Variants in GRIK1 observed in about 807,000 individuals in gnomAD.
The protein encoded by GRIK1 is glutamate receptor ionotropic, kainate 1.
In GRIK1, 69 loss-of-function variants were observed where a neutral mutation model predicts 105.7. That is an observed-to-expected ratio of 0.65 (90% confidence interval 0.54 to 0.80). The LOEUF (loss-of-function observed/expected upper bound fraction) is 0.80. GRIK1 is among the 30% of genes least tolerant of loss of function. The pLI, the probability that GRIK1 is intolerant of heterozygous loss-of-function variation, is 0.00. For missense variants in GRIK1, 1,109 were observed against 1,167.3 expected, an observed-to-expected ratio of 0.95 and a Z score of 0.73; for synonymous variants, 438 against 431.3, an observed-to-expected ratio of 1.02 and a Z score of -0.19.
intron 7 of GRIK1, among the ~76,000 whole-genome samples, chr21:29,619,090 C>T: frequency 7.0e-6 from 1 of 142,208 alleles, no homozygotes; most frequent in Non-Finnish European, 1.5e-5. Context: ...TGTGCCACTG[C>T]ACTCCAGCCT....
At chr21:29,640,460 G>A (rs776429305) in intron 7 of GRIK1, among the ~76,000 whole-genome samples, 2 of 152,178 alleles carry the variant, frequency 1.3e-5, no homozygotes, top group Non-Finnish European at 2.9e-5. Flanking sequence ...GCACAATGTT[G>A]ACAATGGTTT....
At chr21:29,734,362 T>C (rs567275564) in intron 1 of GRIK1, among the ~76,000 whole-genome samples, 12 of 18,564 alleles carry the variant, frequency 6.5e-4, no homozygotes, top group Non-Finnish European at 1.6e-3. Flanking sequence ...TTTTCTTTTC[T>C]TTTCTTTTCT....
At chr21:29,926,602 ATTG>A (rs1026077104) in intron 1 of GRIK1, among the ~76,000 whole-genome samples, 1 of 151,932 alleles carries the variant, frequency 6.6e-6, no homozygotes, top group African/African-American at 2.4e-5. Context: ...GTTGAACACT[ATTG>A]TTGTTAATTT....
chr21:29,639,216 G>A (rs958301838), intron 7 of GRIK1, among the ~76,000 whole-genome samples: 5 of 152,156 alleles, frequency 3.3e-5, no homozygotes, highest in Admixed American at 6.5e-5. Flanking sequence ...CGGTTCCTTT[G>A]CTAATTCATT....
intron 1 of GRIK1, among the ~76,000 whole-genome samples, chr21:29,783,740 C>T (rs533006864): frequency 6.6e-6 from 1 of 152,206 alleles, no homozygotes; most frequent in East Asian, 1.9e-4. Context: ...TTAAAAAATT[C>T]TCTATTCATT....
chr21:29,654,030 A>AC (rs775759760), intron 5 of GRIK1, among the ~76,000 whole-genome samples: 9 of 151,304 alleles, frequency 5.9e-5, no homozygotes, highest in South Asian at 2.1e-4. Context: ...ACTGTTACTG[A>AC]CCCCCCCAGA....
In GRIK1 at chr21:29,591,630, C is replaced by T. The variant is rs1380624559; in HGVS notation, c.1252-405G>A. The stretch of plus-strand genomic sequence containing the variant: ...GAATAAAATATACAAGAGTTTCTTC[C>T]CTTGTGGAGCTTACATTCTACTGAT... On this transcript the variant is annotated intron_variant, in intron 9 of 17. Coordinates refer to ENST00000327783, the MANE Select transcript of GRIK1 (RefSeq NM_001330994.2). Among the ~76,000 whole-genome samples, 4 of 152,144 alleles carry T rather than the reference C, an allele frequency of 2.6e-5. No homozygotes were observed. In the East Asian group the frequency reaches 5.8e-4, roughly 22 times the overall value.
At chr21:29,874,607 T>C (rs2069128701) in intron 1 of GRIK1, among the ~76,000 whole-genome samples, 1 of 152,190 alleles carries the variant, frequency 6.6e-6, no homozygotes, top group African/African-American at 2.4e-5. Flanking sequence ...TACTGGTTTA[T>C]GGCCCAGGGG....
At chr21:29,822,430 T>C (rs2067330586) in intron 1 of GRIK1, among the ~76,000 whole-genome samples, 1 of 152,062 alleles carries the variant, frequency 6.6e-6, no homozygotes, top group Non-Finnish European at 1.5e-5. Flanking sequence ...CAATTCTACT[T>C]TGTTCCAATG....
chr21:29,802,401 T>C (rs2145859579), intron 1 of GRIK1, among the ~76,000 whole-genome samples: 1 of 152,256 alleles, frequency 6.6e-6, no homozygotes, highest in South Asian at 2.1e-4. Context: ...TTTCAGTCTC[T>C]CTCTCTTTCT....
rs1350296211 is a variant in GRIK1, at chr21:29,695,466, ATC to A, written c.119-1405_119-1404del. 8.7e-3 allele frequency among the ~76,000 whole-genome samples: 1,277 copies of A among 146,318 alleles called. 16 individuals are homozygous for A. Among genetic ancestry groups the A allele is most frequent in the Middle Eastern group, 0.014 (4 of 292 alleles). On this transcript the variant is annotated intron_variant, in intron 1 of 17. Transcript: ENST00000327783. ...TATCTATCTATCTATCTATCTATCT[ATC>A]TATCTATCTATATATATATATTTTG...
chr21:29,837,696 T>A (rs530798897), intron 1 of GRIK1, among the ~76,000 whole-genome samples: 3 of 152,356 alleles, frequency 2.0e-5, no homozygotes, highest in African/African-American at 7.2e-5. Flanking sequence ...AGAAAATACA[T>A]TTGTTTATAA....
chr21:29,641,563 T>C (rs1180018464), intron 7 of GRIK1, among the ~76,000 whole-genome samples: 1 of 152,160 alleles, frequency 6.6e-6, no homozygotes, highest in Non-Finnish European at 1.5e-5. Flanking sequence ...TCAGTGTTAG[T>C]GGAACTAAGA....
Position 29,718,067 on chromosome 21 carries a change from A to G in GRIK1, c.119-24004T>C, listed in dbSNP as rs562715258. Among the ~76,000 whole-genome samples, 5 of 152,284 alleles carry G rather than the reference A, an allele frequency of 3.3e-5. No individual in the cohort carries two copies. The East Asian group carries it at 9.7e-4, about 29-fold the overall frequency. ...TCTCCTTCCTGCCACCATGTGAAGA[A>G]GGATGTGTTTGCTGCCCCTTCCACC... On this transcript the variant is annotated intron_variant, in intron 1 of 17. Coordinates refer to ENST00000327783, the MANE Select transcript of GRIK1 (RefSeq NM_001330994.2).
intron 1 of GRIK1, among the ~76,000 whole-genome samples, chr21:29,878,286 G>A (rs2069267447): frequency 2.0e-5 from 3 of 152,102 alleles, no homozygotes; most frequent in African/African-American, 4.8e-5. Context: ...GTGAGGTTGA[G>A]GTGACTCAGA....
chr21:29,779,365 C>T (rs1302533332), intron 1 of GRIK1, among the ~76,000 whole-genome samples: 4 of 141,608 alleles, frequency 2.8e-5, no homozygotes, highest in Admixed American at 7.1e-5. Flanking sequence ...TGTGTGTGCA[C>T]GTGTGTGTGT....
intron 1 of GRIK1, among the ~76,000 whole-genome samples, chr21:29,705,839 T>C (rs1308669873): frequency 6.6e-6 from 1 of 152,038 alleles, no homozygotes; most frequent in African/African-American, 2.4e-5. Flanking sequence ...ATATTTAAAA[T>C]GCATTTGCTA....
At chr21:29,591,073 C>G (rs756064156) in intron 10 of GRIK1, 39 bp downstream of exon 10, 4 of 1,073,494 alleles carry the variant, frequency 3.7e-6, no homozygotes, top group Non-Finnish European at 5.8e-6. Flanking sequence ...AAGGCAGGAG[C>G]CTGGATAAGA....
At chr21:29,690,293 A>T (rs911581314) in intron 2 of GRIK1, among the ~76,000 whole-genome samples, 12 of 152,184 alleles carry the variant, frequency 7.9e-5, no homozygotes, top group Non-Finnish European at 1.8e-4. Context: ...CTTGCTTGGT[A>T]TGGTGTTACC....
Sources: allele counts gnomAD v4.1 joint callset (sites outside exome capture counted in the v4.1 genomes callset), GRCh38; gene constraint gnomAD v4.1.1; transcripts MANE v1.5; gene names NCBI Gene and HGNC (gene_info 2026-07-23, HGNC 2026-07-21).